The following ARHGAP29 variants were observed in gnomAD, a reference collection of about 807,000 sequenced individuals.
ARHGAP29 encodes the protein Rho GTPase activating protein 29.
In ARHGAP29, 43 loss-of-function variants were observed where a neutral mutation model predicts 122.6. That is an observed-to-expected ratio of 0.35 (90% CI 0.27 to 0.45). The LOEUF (loss-of-function observed/expected upper bound fraction) is 0.45, where lower values mean the gene tolerates loss of function less well. Among genes scored for constraint, ARHGAP29 ranks in the 20% least tolerant of loss-of-function variants. The probability of loss-of-function intolerance (pLI) is 1.00; values close to 1 mark genes in which losing one functional copy is unlikely to be tolerated. For synonymous variants in ARHGAP29, 506 were observed against 497.1 expected (o/e 1.02, Z -0.24); for missense variants, 1,303 against 1,477.2 (o/e 0.88, Z 1.93).
In ARHGAP29 at chr1:94,254,261, C is replaced by T. The variant is rs185480590; in HGVS notation, c.-33+20751G>A. Among the ~76,000 whole-genome samples, 630 of 152,260 alleles carry T rather than the reference C, an allele frequency of 4.1e-3. 5 individuals carry two copies. The highest frequency in any genetic ancestry group is 7.0e-3 in the Non-Finnish European group (473 of 68,020). On this transcript the variant is annotated intron_variant and NMD_transcript_variant, in intron 1 of 25. Transcript: ENST00000552844. ...TTGATGACGTATTTAGTTTAGGATA[C>T]TCATGAATGCAATTAAATTTTGTCT...
intron 19 of ARHGAP29, among the ~76,000 whole-genome samples, chr1:94,183,032 C>T (rs1160332392): frequency 6.6e-6 from 1 of 152,098 alleles, no homozygotes; most frequent in Non-Finnish European, 1.5e-5. Context: ...TAATATATTA[C>T]ATACTTTCAA....
the ARHGAP29 span, among the ~76,000 whole-genome samples, chr1:94,287,956 T>C: frequency 6.6e-6 from 1 of 152,210 alleles, no homozygotes; most frequent in Non-Finnish European, 1.5e-5. Flanking sequence ...AGTCCCGCAA[T>C]AAACATGCGT....
At position 94,169,427 on chromosome 1, in the gene ARHGAP29, G is replaced by C. The variant is rs1258711782; in HGVS notation, c.*4442C>G. On this transcript the variant is annotated 3_prime_UTR_variant, in exon 23 of 23. Transcript: ENST00000260526. ...TGAGACAGCAGCTGGCATGTCAAGA[G>C]GTTGAGGGAGGGAGGAAGAATGAAC... Among the ~76,000 whole-genome samples, 2 of 152,126 alleles carry C rather than the reference G, an allele frequency of 1.3e-5. 1 individual carries two copies. Among genetic ancestry groups the C allele is most frequent in the African/African-American group, 4.8e-5 (2 of 41,430 alleles).
At chr1:94,295,403 G>T in the ARHGAP29 span, among the ~76,000 whole-genome samples, 5 of 152,098 alleles carry the variant, frequency 3.3e-5, no homozygotes, top group African/African-American at 1.2e-4. Flanking sequence ...TGAAGTAGAA[G>T]AATCAAGGGG....
In ARHGAP29 at chr1:94,179,923, T is replaced by G; in HGVS notation, c.2282A>C (p.Lys761Thr). ...PEPFILFRLY[K>T]EFIDLAKEIQ... The stretch of plus-strand genomic sequence containing the variant: ...CTCTTTTGCAAGGTCTATAAATTCC[T>G]TGTACAATCGAAATAAAATAAATGG... The change falls in exon 20 of 23, where the codon AAG becomes ACG. Residue 761 changes from lysine to threonine, a missense_variant. Physicochemically the swap from Lys to Thr is moderately conservative, Grantham distance 78. This residue lies in a region of ARHGAP29 where 620 missense variants were observed against 651.2 expected (regional missense o/e 0.95). Coordinates refer to ENST00000260526, the MANE Select transcript of ARHGAP29 (RefSeq NM_004815.4). 1 of 1,609,218 alleles carries G rather than the reference T, an allele frequency of 6.2e-7. No homozygotes were observed. Among genetic ancestry groups the G allele is most frequent in the Non-Finnish European group, 8.5e-7 (1 of 1,178,680 alleles).
At chr1:94,214,812 A>C (rs1386152035) in intron 3 of ARHGAP29, among the ~76,000 whole-genome samples, 1 of 152,180 alleles carries the variant, frequency 6.6e-6, no homozygotes, top group Non-Finnish European at 1.5e-5. Flanking sequence ...TCATTCATAC[A>C]ACCTATTAGA....
At chr1:94,250,637 G>A (rs1654045862) in intron 1 of ARHGAP29, 1 of 152,108 alleles carries the variant, frequency 6.6e-6, no homozygotes, top group African/African-American at 2.4e-5. Context: ...GAGAAACAAG[G>A]AATCAATTCA....
rs1648647618 is a variant in ARHGAP29, at chr1:94,170,283, G to C, written c.*3586C>G. ...TCCTGGCATGACACATTTGAGTATA[G>C]AGCATCATTTCTGTAGTATTGGACA... On this transcript the variant is annotated 3_prime_UTR_variant, in exon 23 of 23. Coordinates refer to ENST00000260526, the MANE Select transcript of ARHGAP29 (RefSeq NM_004815.4). Among the ~76,000 whole-genome samples the C allele has an allele frequency of 6.6e-6, 1 of 152,160 alleles. No homozygotes were observed.
At position 94,174,117 on chromosome 1, in the gene ARHGAP29, C is replaced by T. The variant is rs1394815383; in HGVS notation, c.3538G>A (p.Glu1180Lys). 6.2e-7 allele frequency: 1 copy of T among 1,614,176 alleles called. No homozygotes were observed. The highest frequency in any genetic ancestry group is 1.7e-5 in the Admixed American group (1 of 60,018). The change falls in exon 23 of 23, where the codon GAG becomes AAG. Residue 1180 changes from glutamate to lysine, a missense_variant. Physicochemically the swap from Glu to Lys is moderately conservative, Grantham distance 56 (BLOSUM62 1). Around this residue, in one of 3 missense-constraint regions of ARHGAP29, gnomAD observed 620 missense variants for 651.2 expected, o/e 0.95. Transcript: ENST00000260526. Reference sequence around the variant, plus strand: ...GCTGAGGGTGAAGCTGGCTTCTCCTCATTCCCCCTGATACTGATGATGGGA... The same window carrying T: ...GCTGAGGGTGAAGCTGGCTTCTCCTTATTCCCCCTGATACTGATGATGGGA... ...HAPIISIRGN[E>K]EKPASPSAAV...
chr1:94,240,316 A>C (rs1021472540), upstream of ARHGAP29, among the ~76,000 whole-genome samples: 2 of 152,248 alleles, frequency 1.3e-5, no homozygotes, highest in Non-Finnish European at 2.9e-5. Context: ...CTTTAAAAAA[A>C]TACATTATCT....
In ARHGAP29 at chr1:94,209,243, T is replaced by C. The variant is rs749295797; in HGVS notation, c.437+11A>G. 2 of 1,587,156 alleles carry C rather than the reference T, an allele frequency of 1.3e-6. No individual in the cohort carries two copies. Among genetic ancestry groups the C allele is most frequent in the Non-Finnish European group, 1.7e-6 (2 of 1,159,974 alleles). On this transcript the variant is annotated intron_variant, in intron 4 of 22. Transcript: ENST00000260526. The stretch of plus-strand genomic sequence containing the variant: ...AGGACTAGTTGCTTTAAATGACAGT[T>C]CTCTACTTACATATTTCCAAAGGTA...
intron 7 of ARHGAP29, 73 bp from the exon 8 acceptor site, chr1:94,204,067 G>C: frequency 3.7e-5 from 42 of 1,149,938 alleles, no homozygotes; most frequent in Non-Finnish European, 4.9e-5. Context: ...AAAATTACTT[G>C]TAGTAATTCC....
chr1:94,235,396 T>C (rs1163574220), intron 1 of ARHGAP29, among the ~76,000 whole-genome samples: 4 of 152,202 alleles, frequency 2.6e-5, no homozygotes, highest in African/African-American at 9.6e-5. Flanking sequence ...GCAACTTAAT[T>C]AGGTAATGAC....
upstream of ARHGAP29, among the ~76,000 whole-genome samples, chr1:94,238,056 T>C: frequency 7.8e-6 from 1 of 127,898 alleles, no homozygotes; most frequent in Non-Finnish European, 1.7e-5. Context: ...TATCTGTATT[T>C]TTTTTTTTTT....
chr1:94,290,665 T>C, the ARHGAP29 span, among the ~76,000 whole-genome samples: 1 of 152,248 alleles, frequency 6.6e-6, no homozygotes, highest in South Asian at 2.1e-4. Flanking sequence ...TATTTCTGCC[T>C]TCATTTCGTC....
chr1:94,241,723 A>ATG (rs1653591968), upstream of ARHGAP29, among the ~76,000 whole-genome samples: 2 of 2,120 alleles, frequency 9.4e-4, no homozygotes, highest in Non-Finnish European at 2.1e-3. Flanking sequence ...TAATTTATAT[A>ATG]TAATATATAT....
At chr1:94,302,346 G>T in the ARHGAP29 span, 1 of 289,940 alleles carries the variant, frequency 3.4e-6, no homozygotes, top group South Asian at 3.2e-5. Context: ...AGAAGGCTGG[G>T]GCTCACTTAG....
In ARHGAP29 at chr1:94,231,618, A is replaced by G. The variant is rs777107512; in HGVS notation, c.-7T>C. 9 of 1,610,548 alleles carry G rather than the reference A, an allele frequency of 5.6e-6. No individual in the cohort carries two copies. In the Admixed American group the frequency reaches 1.5e-4, roughly 27 times the overall value. The stretch of plus-strand genomic sequence containing the variant: ...TCTGTTTGTGAGCAATCATCCTTTC[A>G]TGTAACAGTCAGAAAAACTGAAATC... On this transcript the variant is annotated 5_prime_UTR_variant, in exon 2 of 23. It removes an upstream start codon present in the reference 5' UTR. Coordinates refer to ENST00000260526, the MANE Select transcript of ARHGAP29 (RefSeq NM_004815.4).
chr1:94,286,108 T>C, the ARHGAP29 span, among the ~76,000 whole-genome samples: 1 of 152,144 alleles, frequency 6.6e-6, no homozygotes, highest in Non-Finnish European at 1.5e-5. Context: ...AAGTCTTACA[T>C]TAGAGTGCCA....
Sources: allele counts gnomAD v4.1 joint callset (sites outside exome capture counted in the v4.1 genomes callset), GRCh38; gene constraint gnomAD v4.1.1; regional missense constraint gnomAD v4.1.1; transcripts MANE v1.5; gene names NCBI Gene and HGNC (gene_info 2026-07-23, HGNC 2026-07-21).